Variants in GLB1L2 observed in about 807,000 individuals in gnomAD.
GLB1L2 encodes the protein galactosidase beta 1 like 2, also known as beta-galactosidase-1-like protein 2.
GLB1L2 carries 68 observed loss-of-function variants against 84.1 expected under a neutral mutation model. The observed-to-expected ratio is 0.81, with a 90% CI of 0.67 to 0.99. The LOEUF (loss-of-function observed/expected upper bound fraction) is 0.99, where lower values mean the gene tolerates loss of function less well. Among genes scored for constraint, GLB1L2 ranks in the 50% least tolerant of loss-of-function variants. GLB1L2 has a pLI of 0.00. For missense variants in GLB1L2, 762 were observed against 805.6 expected (o/e 0.95, Z 0.66); for synonymous variants, 290 against 318.0 (o/e 0.91, Z 0.94).
At chr11:134,362,321 CCCCGGCGCTGCCCGCGTT>C (rs1352159061) in intron 7 of GLB1L2, among the ~76,000 whole-genome samples, 72 of 86,020 alleles carry the variant, frequency 8.4e-4, no homozygotes, top group Middle Eastern at 5.7e-3. Context: ...GCGTTCCCTT[CCCCGGCGCTGCCCGCGTT>C]CCTTCCCCGG....
Position 134,344,383 on chromosome 11 carries a change from G to T in GLB1L2, c.285-4G>T. The T allele has an allele frequency of 6.4e-7, 1 of 1,554,666 alleles. No homozygotes were observed. Among genetic ancestry groups the T allele is most frequent in the Non-Finnish European group, 8.8e-7 (1 of 1,135,924 alleles). Reference sequence around the variant, plus strand: ...CTAGCCTATAATTATCATTTCTGTTGCAGCTATGTTCCGTGGAACCTGCAT... The same window carrying T: ...CTAGCCTATAATTATCATTTCTGTTTCAGCTATGTTCCGTGGAACCTGCAT... On this transcript the variant is annotated splice_region_variant and splice_polypyrimidine_tract_variant and intron_variant, in intron 2 of 18. Transcript: ENST00000535456.
At chr11:134,349,082 A>G (rs529797650) in intron 5 of GLB1L2, among the ~76,000 whole-genome samples, 10 of 152,306 alleles carry the variant, frequency 6.6e-5, no homozygotes, top group East Asian at 5.8e-4. Flanking sequence ...GTCTTCCCCA[A>G]TGTAAACTCT....
At chr11:134,336,774 A>T (rs529622922) in intron 1 of GLB1L2, among the ~76,000 whole-genome samples, 2 of 152,180 alleles carry the variant, frequency 1.3e-5, no homozygotes, top group South Asian at 2.1e-4. Context: ...ATTTAACATA[A>T]TAATGTTTTT....
chr11:134,360,949 C>G (rs1434143869), intron 7 of GLB1L2: 1 of 152,064 alleles, frequency 6.6e-6, no homozygotes, highest in African/African-American at 2.4e-5. Flanking sequence ...GTCAGGAGAT[C>G]GAGACCAGCC....
chr11:134,343,736 T>C (rs733091), intron 2 of GLB1L2, among the ~76,000 whole-genome samples: 52,897 of 152,110 alleles, frequency 0.35, 9,420 homozygotes, highest in Non-Finnish European at 0.38. Context: ...GCACTCTGAC[T>C]CGCAGAAGCA....
chr11:134,367,272 A>G lies in GLB1L2; in HGVS notation c.820A>G (p.Met274Val), dbSNP rs1257816222. 2 of 1,614,100 alleles carry G rather than the reference A, an allele frequency of 1.2e-6. No individual in the cohort carries two copies. Among genetic ancestry groups the G allele is most frequent in the South Asian group, 2.2e-5 (2 of 91,076 alleles). The change falls in exon 9 of 19, where the codon ATG becomes GTG. Residue 274 changes from methionine to valine, a missense_variant. Met to Val is a conservative substitution (Grantham distance 21, BLOSUM62 1). Transcript: ENST00000535456. The stretch of plus-strand genomic sequence containing the variant: ...TGGTGTCCAGGGGACTCAGCCCAAG[A>G]TGGTGATGGAGTACTGGACGGGGTG... ...LFNVQGTQPK[M>V]VMEYWTGWFD...
chr11:134,372,331 C>T (rs141215214), intron 15 of GLB1L2: 51 of 155,258 alleles, frequency 3.3e-4, no homozygotes, highest in East Asian at 1.9e-4. Context: ...GGGAATAGGC[C>T]GCCAATTTGC....
intron 8 of GLB1L2, among the ~76,000 whole-genome samples, chr11:134,366,203 G>T (rs1350852398): frequency 6.6e-6 from 1 of 152,212 alleles, no homozygotes; most frequent in East Asian, 1.9e-4. Context: ...TGACTTGTGG[G>T]ACTTTGAATC....
intron 8 of GLB1L2, among the ~76,000 whole-genome samples, chr11:134,366,894 A>T (rs570218661): frequency 1.3e-5 from 2 of 152,336 alleles, no homozygotes; most frequent in South Asian, 4.1e-4. Flanking sequence ...CCTCTCAGAT[A>T]TGGAGTTGTC....
intron 1 of GLB1L2, among the ~76,000 whole-genome samples, chr11:134,335,203 G>C (rs1008491914): frequency 6.6e-6 from 1 of 150,574 alleles, no homozygotes; most frequent in South Asian, 2.1e-4. Flanking sequence ...TCCTGAACAA[G>C]GTGGCTAACT....
At chr11:134,336,126 T>TAGA (rs1943383866) in intron 1 of GLB1L2, among the ~76,000 whole-genome samples, 1 of 152,250 alleles carries the variant, frequency 6.6e-6, no homozygotes, top group Non-Finnish European at 1.5e-5. Context: ...GACTCGTGTC[T>TAGA]GCCTGTTAGA....
chr11:134,353,278 C>T (rs577252851), intron 5 of GLB1L2, among the ~76,000 whole-genome samples: 17 of 152,024 alleles, frequency 1.1e-4, no homozygotes, highest in East Asian at 7.8e-4. Context: ...GGTGTGGTGA[C>T]GGGCACCTGT....
intron 5 of GLB1L2, among the ~76,000 whole-genome samples, chr11:134,352,215 T>C (rs528589840): frequency 3.9e-5 from 6 of 152,332 alleles, no homozygotes; most frequent in Non-Finnish European, 7.3e-5. Flanking sequence ...ATCTAGGTTA[T>C]TTAATATTTA....
At chr11:134,369,484 T>C (rs1177141314) in intron 10 of GLB1L2, among the ~76,000 whole-genome samples, 2 of 141,746 alleles carry the variant, frequency 1.4e-5, no homozygotes, top group African/African-American at 3.0e-5. Flanking sequence ...TGCGAGCTGC[T>C]GCACAAGCGA....
intron 6 of GLB1L2, among the ~76,000 whole-genome samples, chr11:134,358,080 C>T (rs181905390): frequency 1.2e-4 from 19 of 152,238 alleles, no homozygotes; most frequent in Non-Finnish European, 2.4e-4. Flanking sequence ...TTTCCTTCCC[C>T]GCGTGTGGGA....
intron 5 of GLB1L2, among the ~76,000 whole-genome samples, chr11:134,350,057 T>C (rs750578550): frequency 6.6e-6 from 1 of 152,234 alleles, no homozygotes; most frequent in Non-Finnish European, 1.5e-5. Context: ...GCCACTTTCG[T>C]TGCTGTGAGC....
intron 1 of GLB1L2, among the ~76,000 whole-genome samples, chr11:134,340,768 G>A (rs1195369311): frequency 1.3e-5 from 2 of 152,252 alleles, no homozygotes; most frequent in Non-Finnish European, 2.9e-5. Context: ...CGTAGATGGT[G>A]TGGCTGTGTG....
At position 134,368,505 on chromosome 11, in the gene GLB1L2, G is replaced by A. The variant is rs896170761; in HGVS notation, c.890-139G>A. 47 of 818,198 alleles carry A rather than the reference G, an allele frequency of 5.7e-5. 1 individual carries two copies. The highest frequency in any genetic ancestry group is 4.7e-4 in the African/African-American group (28 of 59,020). The allele number at this position is 818,198 out of a possible 1,614,324, so 50.7% of individuals were successfully genotyped here. Reference sequence around the variant, plus strand: ...TAATCTTCTGTGATTGGGGTTTTATGAGAGCTAGAAGGACAGAGTGACAAA... The same window carrying A: ...TAATCTTCTGTGATTGGGGTTTTATAAGAGCTAGAAGGACAGAGTGACAAA... On this transcript the variant is annotated intron_variant, in intron 9 of 18. Transcript: ENST00000535456.
chr11:134,332,215 C>T (rs1943308160), intron 1 of GLB1L2, 68 bp downstream of exon 1: 2 of 1,162,102 alleles, frequency 1.7e-6, no homozygotes, highest in South Asian at 2.9e-5. Context: ...CTCGGGTTCT[C>T]TCCTCCCGCG....
Sources: allele counts gnomAD v4.1 joint callset (sites outside exome capture counted in the v4.1 genomes callset), GRCh38; gene constraint gnomAD v4.1.1; transcripts MANE v1.5; gene names NCBI Gene and HGNC (gene_info 2026-07-23, HGNC 2026-07-21).